The following PPP1R12A variants were observed in gnomAD, a reference collection of about 807,000 sequenced individuals.
PPP1R12A encodes the protein protein phosphatase 1 regulatory subunit 12A, also known as myosin binding subunit.
Under a neutral mutation model 139.6 loss-of-function variants are expected in PPP1R12A, and 19 were observed. That is an observed-to-expected ratio of 0.14 (90% CI 0.09 to 0.20). The LOEUF is 0.20. Ranked by LOEUF, PPP1R12A falls within the 10% of genes least tolerant of loss-of-function variation. PPP1R12A has a pLI of 1.00. For missense variants in PPP1R12A, 925 were observed against 1,211.5 expected, an observed-to-expected ratio of 0.76 and a Z score of 3.51; for synonymous variants, 427 against 420.6, an observed-to-expected ratio of 1.02 and a Z score of -0.19.
intron 2 of PPP1R12A, among the ~76,000 whole-genome samples, chr12:79,864,433 G>C (rs1162243479): frequency 6.6e-6 from 1 of 152,034 alleles, no homozygotes. Context: ...AAAAGAACTA[G>C]AGAAACAAGA....
chr12:79,857,943 T>C (rs1272512941), intron 2 of PPP1R12A, among the ~76,000 whole-genome samples: 3 of 152,202 alleles, frequency 2.0e-5, no homozygotes, highest in African/African-American at 4.8e-5. Context: ...AGTAAGAATG[T>C]ATATGGGAAC....
intron 21 of PPP1R12A, 94 bp downstream of exon 21, chr12:79,788,554 C>T: frequency 8.5e-7 from 1 of 1,182,692 alleles, no homozygotes; most frequent in Non-Finnish European, 1.2e-6. Flanking sequence ...TTTCAAAATA[C>T]TCATTTCATT....
chr12:79,864,697 T>C (rs947068050), intron 2 of PPP1R12A, among the ~76,000 whole-genome samples: 2 of 152,184 alleles, frequency 1.3e-5, no homozygotes, highest in Non-Finnish European at 2.9e-5. Flanking sequence ...TAAACACTTC[T>C]ATGCAAATAA....
intron 6 of PPP1R12A, 50 bp from the exon 7 acceptor site, chr12:79,821,216 T>C (rs752005680): frequency 3.2e-5 from 41 of 1,275,646 alleles, no homozygotes; most frequent in Non-Finnish European, 4.5e-5. Flanking sequence ...TAAGATACTA[T>C]TACTAAGATG....
intron 10 of PPP1R12A, among the ~76,000 whole-genome samples, chr12:79,809,301 C>T (rs545153071): frequency 1.3e-5 from 2 of 152,166 alleles, no homozygotes; most frequent in African/African-American, 4.8e-5. Flanking sequence ...AACTGTGGTA[C>T]ATCCTATATA....
chr12:79,884,300 A>T (rs1289926765), intron 1 of PPP1R12A, among the ~76,000 whole-genome samples: 2 of 152,186 alleles, frequency 1.3e-5, no homozygotes, highest in African/African-American at 4.8e-5. Context: ...TTTGATTTTA[A>T]ATGTATATAC....
At chr12:79,929,174 T>C (rs1263054866) in intron 1 of PPP1R12A, among the ~76,000 whole-genome samples, 2 of 152,146 alleles carry the variant, frequency 1.3e-5, no homozygotes, top group African/African-American at 4.8e-5. Flanking sequence ...CAGTTCACAA[T>C]AGGGTCCGCA....
At chr12:79,850,572 T>A (rs1879924250) in intron 2 of PPP1R12A, among the ~76,000 whole-genome samples, 1 of 152,252 alleles carries the variant, frequency 6.6e-6, no homozygotes, top group South Asian at 2.1e-4. Context: ...AAAGCAATTA[T>A]CAGCAAGAGC....
At chr12:79,849,481 C>A (rs1246464958) in intron 2 of PPP1R12A, among the ~76,000 whole-genome samples, 2 of 152,094 alleles carry the variant, frequency 1.3e-5, no homozygotes, top group African/African-American at 4.8e-5. Flanking sequence ...CTTTGAAAGA[C>A]CCTGGAGATA....
intron 2 of PPP1R12A, among the ~76,000 whole-genome samples, chr12:79,861,794 C>G (rs962050904): frequency 2.6e-5 from 4 of 152,092 alleles, no homozygotes; most frequent in African/African-American, 9.7e-5. Flanking sequence ...TGGTTCTAGG[C>G]TCACAGTGTA....
At chr12:79,892,603 TAA>T (rs1390748057) in intron 1 of PPP1R12A, among the ~76,000 whole-genome samples, 1 of 152,186 alleles carries the variant, frequency 6.6e-6, no homozygotes, top group Non-Finnish European at 1.5e-5. Context: ...CTTTTATATT[TAA>T]AGTTTTAACA....
At chr12:79,798,013 G>A (rs997589271) in intron 15 of PPP1R12A, among the ~76,000 whole-genome samples, 1 of 152,044 alleles carries the variant, frequency 6.6e-6, no homozygotes, top group Non-Finnish European at 1.5e-5. Flanking sequence ...TAAGGAGATC[G>A]CCAGCCTGAA....
At chr12:79,882,082 G>A (rs1007705511) in intron 1 of PPP1R12A, among the ~76,000 whole-genome samples, 1 of 152,200 alleles carries the variant, frequency 6.6e-6, no homozygotes, top group Non-Finnish European at 1.5e-5. Flanking sequence ...GATGGGAGAT[G>A]TACAGGATTA....
intron 2 of PPP1R12A, among the ~76,000 whole-genome samples, chr12:79,863,366 C>A (rs1881570679): frequency 6.6e-6 from 1 of 152,054 alleles, no homozygotes. Flanking sequence ...CAAAAACATG[C>A]CAAATTGTAA....
chr12:79,789,160 G>A (rs1565739197), intron 20 of PPP1R12A, among the ~76,000 whole-genome samples: 2 of 151,998 alleles, frequency 1.3e-5, no homozygotes, highest in African/African-American at 4.8e-5. Flanking sequence ...TTGAACTCCT[G>A]GGCTCAAGCA....
chr12:79,783,985 G>A (rs1344762029), intron 22 of PPP1R12A, among the ~76,000 whole-genome samples: 1 of 152,078 alleles, frequency 6.6e-6, no homozygotes, highest in Non-Finnish European at 1.5e-5. Context: ...TGGGAAGGAG[G>A]GTACCTGGGC....
At chr12:79,829,532 A>G (rs1034824579) in intron 4 of PPP1R12A, among the ~76,000 whole-genome samples, 11 of 152,054 alleles carry the variant, frequency 7.2e-5, no homozygotes, top group African/African-American at 2.7e-4. Flanking sequence ...GCATATGGAG[A>G]GATGGGCCCT....
At chr12:79,898,601 G>A (rs1048578823) in intron 1 of PPP1R12A, among the ~76,000 whole-genome samples, 2 of 152,096 alleles carry the variant, frequency 1.3e-5, no homozygotes, top group South Asian at 2.1e-4. Context: ...TGCTGCAAAC[G>A]AAGAAATAGT....
At chr12:79,900,434 A>G (rs1486970976) in intron 1 of PPP1R12A, among the ~76,000 whole-genome samples, 1 of 152,182 alleles carries the variant, frequency 6.6e-6, no homozygotes, top group Non-Finnish European at 1.5e-5. Context: ...TCCACCACGT[A>G]ATAGGCACAC....
Sources: gnomAD v4.1 joint callset for allele counts (sites outside exome capture counted in the v4.1 genomes callset) on GRCh38, gnomAD v4.1.1 for gene constraint, MANE v1.5 for transcripts, NCBI Gene and HGNC (gene_info 2026-07-23, HGNC 2026-07-21) for gene names.